Variants in NLGN1 observed in about 807,000 individuals in gnomAD.
NLGN1 encodes neuroligin 1, also known as neuroligin-1.
NLGN1 carries 12 observed loss-of-function variants against 65.5 expected under a neutral mutation model. The observed-to-expected ratio is 0.18, with a 90% CI of 0.12 to 0.30. The LOEUF is 0.30. Among genes scored for constraint, NLGN1 ranks in the 10% least tolerant of loss-of-function variants. NLGN1 has a pLI of 1.00. For missense variants in NLGN1, 750 were observed against 1,007.1 expected (o/e 0.74, Z 3.46); for synonymous variants, 350 against 359.5 (o/e 0.97, Z 0.30).
At chr3:173,764,290 G>C (rs1208021218) in intron 3 of NLGN1, among the ~76,000 whole-genome samples, 5 of 152,150 alleles carry the variant, frequency 3.3e-5, no homozygotes, top group Non-Finnish European at 7.3e-5. Flanking sequence ...CTAATGTGCA[G>C]AAAGTAGGTG....
chr3:173,740,866 T>C (rs1410704367), intron 3 of NLGN1, among the ~76,000 whole-genome samples: 2 of 152,110 alleles, frequency 1.3e-5, no homozygotes, highest in African/African-American at 4.8e-5. Flanking sequence ...AAGGGCTTGC[T>C]AGCACTGACA....
intron 4 of NLGN1, among the ~76,000 whole-genome samples, chr3:173,816,876 A>G (rs1343726780): frequency 6.6e-6 from 1 of 152,184 alleles, no homozygotes; most frequent in African/African-American, 2.4e-5. Flanking sequence ...TGTTCATCCA[A>G]TCTAACAAGA....
intron 4 of NLGN1, among the ~76,000 whole-genome samples, chr3:173,930,597 T>C (rs1743914270): frequency 6.6e-6 from 1 of 152,146 alleles, no homozygotes. Context: ...ACTGAGATAA[T>C]CTAAGAAAGA....
chr3:173,614,780 C>T (rs1752813775), intron 3 of NLGN1, among the ~76,000 whole-genome samples: 1 of 152,090 alleles, frequency 6.6e-6, no homozygotes. Flanking sequence ...GGAGACACCA[C>T]CTACAATGGA....
At chr3:173,910,140 C>T (rs1451783185) in intron 4 of NLGN1, among the ~76,000 whole-genome samples, 11 of 152,160 alleles carry the variant, frequency 7.2e-5, no homozygotes, top group Non-Finnish European at 1.0e-4. Context: ...CCTTCCTGAT[C>T]GTTGGTAGAA....
At chr3:173,921,882 G>C (rs1252206124) in intron 4 of NLGN1, among the ~76,000 whole-genome samples, 1 of 152,094 alleles carries the variant, frequency 6.6e-6, no homozygotes, top group Non-Finnish European at 1.5e-5. Flanking sequence ...GACCCTTAGG[G>C]CATGCTTATT....
intron 4 of NLGN1, among the ~76,000 whole-genome samples, chr3:173,862,012 G>A (rs941831541): frequency 5.3e-5 from 8 of 151,544 alleles, no homozygotes; most frequent in Admixed American, 2.0e-4. Context: ...CAGGTGATCC[G>A]CCTGCCTCAG....
At chr3:173,708,559 C>G (rs940239012) in intron 3 of NLGN1, among the ~76,000 whole-genome samples, 1 of 152,126 alleles carries the variant, frequency 6.6e-6, no homozygotes, top group East Asian at 1.9e-4. Context: ...GGACTCAGGA[C>G]CATTAGGGCA....
chr3:173,685,733 T>C (rs1162457059), intron 3 of NLGN1: 1 of 985,242 alleles, frequency 1.0e-6, no homozygotes, highest in Non-Finnish European at 1.2e-6. Flanking sequence ...CAAGATTGGG[T>C]GATCCAGTGT....
intron 4 of NLGN1, among the ~76,000 whole-genome samples, chr3:174,253,617 G>T (rs1426441656): frequency 6.6e-6 from 1 of 152,156 alleles, no homozygotes; most frequent in Non-Finnish European, 1.5e-5. Flanking sequence ...AGTGAAAACT[G>T]CACCCAGAAC....
Position 173,913,881 on chromosome 3 carries a change from G to T in NLGN1, c.646+106049G>T, listed in dbSNP as rs140457826. Among the ~76,000 whole-genome samples the T allele has an allele frequency of 3.1e-3, 472 of 152,270 alleles. 1 individual carries two copies. Among genetic ancestry groups the T allele is most frequent in the Admixed American group, 7.5e-3 (115 of 15,284 alleles). ...AAAATATAGACTGAAAATCCATCTT[G>T]TTGGTCTTCATGGAAATTCTGTTAG... is the stretch of plus-strand genomic sequence containing the variant. On this transcript the variant is annotated intron_variant, in intron 4 of 6. Transcript: ENST00000457714.
At position 173,943,836 on chromosome 3, in the gene NLGN1, A is replaced by G. The variant is rs564718639; in HGVS notation, c.646+136004A>G. ...TATTCTAGAACCACTTCAGAAAGCAACGTTGTATTTCTACTTAACATTTAA... is the reference window on the plus strand; with the variant it reads ...TATTCTAGAACCACTTCAGAAAGCAGCGTTGTATTTCTACTTAACATTTAA... On this transcript the variant is annotated intron_variant, in intron 4 of 6. Transcript: ENST00000457714. 2.6e-5 allele frequency among the ~76,000 whole-genome samples: 4 copies of G among 152,354 alleles called. No individual in the cohort carries two copies. The South Asian group carries it at 6.2e-4, about 24-fold the overall frequency.
At chr3:173,830,219 AC>A (rs929358195) in intron 4 of NLGN1, among the ~76,000 whole-genome samples, 1 of 151,950 alleles carries the variant, frequency 6.6e-6, no homozygotes, top group Non-Finnish European at 1.5e-5. Flanking sequence ...TTCCCATTCA[AC>A]CCCCAGGCTG....
intron 4 of NLGN1, among the ~76,000 whole-genome samples, chr3:174,166,926 A>G (rs1023516282): frequency 1.3e-5 from 2 of 152,000 alleles, no homozygotes; most frequent in African/African-American, 4.8e-5. Context: ...CCTTTTGTTA[A>G]TATGTAATGC....
At chr3:173,448,835 C>A (rs893834111) in intron 2 of NLGN1, among the ~76,000 whole-genome samples, 1 of 152,128 alleles carries the variant, frequency 6.6e-6, no homozygotes, top group Non-Finnish European at 1.5e-5. Flanking sequence ...TCTAGATTTT[C>A]TAGTTTATTT....
intron 4 of NLGN1, among the ~76,000 whole-genome samples, chr3:173,965,210 A>G (rs1266621377): frequency 6.6e-6 from 1 of 152,184 alleles, no homozygotes; most frequent in Non-Finnish European, 1.5e-5. Flanking sequence ...AAAGAAATCT[A>G]AGAACTCCAG....
chr3:173,449,322 G>T (rs574175096), intron 2 of NLGN1, among the ~76,000 whole-genome samples: 1 of 151,722 alleles, frequency 6.6e-6, no homozygotes, highest in Non-Finnish European at 1.5e-5. Context: ...CATTATGTAC[G>T]CAGTAGTCAT....
chr3:174,198,844 CTTT>C (rs56752477), intron 4 of NLGN1, among the ~76,000 whole-genome samples: 77 of 99,874 alleles, frequency 7.7e-4, no homozygotes, highest in South Asian at 1.4e-3. Context: ...TGACTAGATT[CTTT>C]TTTTTTTTTT....
chr3:173,806,778 T>C (rs1310554376), intron 3 of NLGN1, among the ~76,000 whole-genome samples: 1 of 152,044 alleles, frequency 6.6e-6, no homozygotes, highest in Non-Finnish European at 1.5e-5. Context: ...ATTACAGAAT[T>C]CAGGAAAAGT....
Sources: gnomAD v4.1 joint callset for allele counts (sites outside exome capture counted in the v4.1 genomes callset) on GRCh38, gnomAD v4.1.1 for gene constraint, MANE v1.5 for transcripts, NCBI Gene and HGNC (gene_info 2026-07-23, HGNC 2026-07-21) for gene names.